Variants in USP49 observed in about 807,000 individuals in gnomAD.
The protein encoded by USP49 is ubiquitin specific peptidase 49, also known as ubiquitin carboxyl-terminal hydrolase 49.
Under a neutral mutation model 58.6 loss-of-function variants are expected in USP49, and 24 were observed. The ratio of observed to expected loss-of-function variants is 0.41; its 90% CI spans 0.30 to 0.58. The LOEUF is 0.58. USP49 is among the 20% of genes least tolerant of loss of function. The probability of loss-of-function intolerance (pLI) is 0.30; values close to 1 mark genes in which losing one functional copy is unlikely to be tolerated. For missense variants in USP49, 703 were observed against 866.1 expected (o/e 0.81, Z 2.36); for synonymous variants, 408 against 365.1 (o/e 1.12, Z -1.34).
intron 3 of USP49, among the ~76,000 whole-genome samples, chr6:41,856,734 G>A (rs1774138740): frequency 6.6e-6 from 1 of 152,120 alleles, no homozygotes; most frequent in African/African-American, 2.4e-5. Context: ...AGTTACCTGT[G>A]GTCCGAAAAT....
At chr6:41,810,103 G>C (rs1192488427) in intron 3 of USP49, among the ~76,000 whole-genome samples, 1 of 151,582 alleles carries the variant, frequency 6.6e-6, no homozygotes, top group African/African-American at 2.4e-5. Context: ...AGTGAGCCGA[G>C]ATCGCGCCAC....
chr6:41,863,189 T>C lies in USP49; in HGVS notation c.-29+8375A>G, dbSNP rs73733044. Among the ~76,000 whole-genome samples the C allele has an allele frequency of 6.6e-3, 1,010 of 152,252 alleles. 13 individuals carry two copies. Among genetic ancestry groups the C allele is most frequent in the African/African-American group, 0.023 (958 of 41,540 alleles). ...TTTACCTGTCTTGAAAACCTGACTT[T>C]CTCTTTAACTCCTTATTCATGTCAC... On this transcript the variant is annotated intron_variant, in intron 3 of 7. Coordinates refer to ENST00000682992, the MANE Select transcript of USP49 (RefSeq NM_001286554.2).
chr6:41,799,055 A>C, intron 6 of USP49, 126 bp from the exon 7 acceptor site: 2 of 1,146,516 alleles, frequency 1.7e-6, no homozygotes, highest in Non-Finnish European at 1.2e-6. Flanking sequence ...CCCATCAATA[A>C]AATGGTGGTA....
intron 1 of USP49, among the ~76,000 whole-genome samples, chr6:41,892,867 C>A (rs920597597): frequency 1.3e-5 from 2 of 152,038 alleles, no homozygotes; most frequent in African/African-American, 2.4e-5. Flanking sequence ...CCTTTGGCAC[C>A]ATCAAATGCA....
At chr6:41,798,647 AT>A in intron 7 of USP49, 76 bp downstream of exon 7, 1 of 1,608,554 alleles carries the variant, frequency 6.2e-7, no homozygotes, top group East Asian at 2.2e-5. Context: ...TGGGATGGAA[AT>A]AAAAGGAAAA....
Position 41,894,831 on chromosome 6 carries a change from T to C in USP49, c.-185+493A>G, listed in dbSNP as rs1582044551. Among the ~76,000 whole-genome samples, 3 of 152,094 alleles carry C rather than the reference T, an allele frequency of 2.0e-5. 1 individual carries two copies. The highest frequency in any genetic ancestry group is 7.2e-5 in the African/African-American group (3 of 41,514). On this transcript the variant is annotated intron_variant, in intron 1 of 7. Transcript: ENST00000682992. ...TCCTTCCTATCTCCTTGGCTGGCTT[T>C]TTCTCACTCCTCCTCTCCCTGGCTT...
Position 41,833,020 on chromosome 6 carries a change from C to CT in USP49, c.-28-26010dup, listed in dbSNP as rs200870810. 2.7e-3 allele frequency: 368 copies of CT among 138,394 alleles called. 1 individual carries two copies. The highest frequency in any genetic ancestry group is 3.8e-3 in the Middle Eastern group (1 of 262). 8.6% of individuals were successfully genotyped at this position (138,394 alleles called of 1,614,324 possible). On this transcript the variant is annotated intron_variant, in intron 3 of 7. Transcript: ENST00000682992. ...TTCTTTTTTTCTTTCTTTCTTTTTT[C>CT]TTTTTTTTTTTTTTGAGACAGAGTC...
rs768552707 is a variant in USP49 at position 41,806,395 on chromosome 6, G to A, written c.589C>T (p.Leu197=). ...RRRREVKRRL[L]EELASTPPRK... is the part of the protein sequence containing the mutation. ...GGAGGGGTGCTGGCCAGCTCCTCCAGCAGCCGCCGTTTCACCTCGCGCCGC... is the reference window on the plus strand; with the variant it reads ...GGAGGGGTGCTGGCCAGCTCCTCCAACAGCCGCCGTTTCACCTCGCGCCGC... Residue 197 remains leucine, a synonymous_variant, in exon 4 of 8, where the codon CTG becomes TTG. Coordinates refer to ENST00000682992, the MANE Select transcript of USP49 (RefSeq NM_001286554.2). This position sits in a 1 kb window ranked among gnomAD's most constrained non-coding sequence, Gnocchi z 5.9. The A allele has an allele frequency of 6.4e-5, 100 of 1,555,958 alleles. No individual in the cohort carries two copies. Among genetic ancestry groups the A allele is most frequent in the Non-Finnish European group, 8.1e-5 (94 of 1,160,070 alleles).
chr6:41,853,208 A>G (rs1033743869), intron 3 of USP49, among the ~76,000 whole-genome samples: 3 of 152,076 alleles, frequency 2.0e-5, no homozygotes, highest in African/African-American at 7.2e-5. Flanking sequence ...GCTGGGGGGG[A>G]GAATTTTGAC....
At position 41,831,361 on chromosome 6, in the gene USP49, G is replaced by A. The variant is rs1773631022; in HGVS notation, c.-28-24350C>T. On this transcript the variant is annotated intron_variant, in intron 3 of 7. Transcript: ENST00000682992. ...GCCGAGATTGTGCCGCTGCACTCCA[G>A]CCTGGGCAACAGAGCGAGACTCCAT... 2.6e-5 allele frequency among the ~76,000 whole-genome samples: 4 copies of A among 152,048 alleles called. No homozygotes were observed. The South Asian group carries it at 8.3e-4, about 32-fold the overall frequency.
chr6:41,888,528 A>G (rs900660438), intron 2 of USP49, among the ~76,000 whole-genome samples: 1 of 152,164 alleles, frequency 6.6e-6, no homozygotes, highest in African/African-American at 2.4e-5. Context: ...ATCTCAGCTC[A>G]CTGCAACCTC....
chr6:41,874,909 G>C (rs1390155497), intron 2 of USP49, among the ~76,000 whole-genome samples: 1 of 152,110 alleles, frequency 6.6e-6, no homozygotes, highest in Non-Finnish European at 1.5e-5. Context: ...AGTGAGCTGT[G>C]CGTGATTGCA....
intron 3 of USP49, among the ~76,000 whole-genome samples, chr6:41,818,444 T>C (rs1050351744): frequency 3.3e-5 from 5 of 152,188 alleles, no homozygotes; most frequent in Admixed American, 2.0e-4. Context: ...AGAACCAGAT[T>C]GGCTGGGTAA....
At chr6:41,812,307 G>A (rs1472893419) in intron 3 of USP49, among the ~76,000 whole-genome samples, 2 of 151,504 alleles carry the variant, frequency 1.3e-5, no homozygotes, top group African/African-American at 2.4e-5. Context: ...TTGAACTCCC[G>A]ACCTCAGGTG....
chr6:41,890,719 T>A (rs879266286), intron 2 of USP49, among the ~76,000 whole-genome samples: 1 of 152,192 alleles, frequency 6.6e-6, no homozygotes, highest in Non-Finnish European at 1.5e-5. Flanking sequence ...GAAATTGGTA[T>A]ATCACTTAGG....
At chr6:41,821,734 A>T (rs556964106) in intron 3 of USP49, among the ~76,000 whole-genome samples, 2 of 152,330 alleles carry the variant, frequency 1.3e-5, no homozygotes, top group African/African-American at 4.8e-5. Flanking sequence ...AGATCGCACC[A>T]CTGCACTCCT....
At chr6:41,868,683 G>A (rs1255374369) in intron 3 of USP49, 1 of 152,144 alleles carries the variant, frequency 6.6e-6, no homozygotes, top group Non-Finnish European at 1.5e-5. Flanking sequence ...TATGGTCACA[G>A]CAGATAGAAT....
At chr6:41,814,545 A>T (rs1164967359) in intron 3 of USP49, among the ~76,000 whole-genome samples, 1 of 152,228 alleles carries the variant, frequency 6.6e-6, no homozygotes, top group African/African-American at 2.4e-5. Flanking sequence ...AATTATTCTC[A>T]AATAGCAAAT....
intron 2 of USP49, among the ~76,000 whole-genome samples, chr6:41,882,887 G>A (rs897161941): frequency 6.6e-6 from 1 of 152,100 alleles, no homozygotes; most frequent in Non-Finnish European, 1.5e-5. Context: ...CTGTACTCCA[G>A]CCTGGGCAAC....
Sources: allele counts gnomAD v4.1 joint callset (sites outside exome capture counted in the v4.1 genomes callset), GRCh38; gene constraint gnomAD v4.1.1; non-coding constraint Gnocchi (gnomAD v3.1); transcripts MANE v1.5; gene names NCBI Gene and HGNC (gene_info 2026-07-23, HGNC 2026-07-21).